Variants in GRM8 observed in about 807,000 individuals in gnomAD.
The protein encoded by GRM8 is glutamate metabotropic receptor 8, also known as metabotropic glutamate receptor 8.
In GRM8, 47 loss-of-function variants were observed where a neutral mutation model predicts 87.2. The observed-to-expected ratio is 0.54, with a 90% confidence interval of 0.43 to 0.69. The LOEUF is 0.69. Among genes scored for constraint, GRM8 ranks in the 30% least tolerant of loss-of-function variants. The probability of loss-of-function intolerance (pLI) is 0.00; values close to 1 mark genes in which losing one functional copy is unlikely to be tolerated. For synonymous variants in GRM8, 396 were observed against 404.5 expected (o/e 0.98, Z 0.25); for missense variants, 1,019 against 1,139.2 (o/e 0.89, Z 1.52).
At chr7:126,532,840 G>C in intron 9 of GRM8, 112 bp downstream of exon 9, 1 of 522,454 alleles carries the variant, frequency 1.9e-6, no homozygotes. Flanking sequence ...GAATAGCACA[G>C]ACTGAAGCAT....
At chr7:126,621,731 T>TA (rs3216288) in intron 7 of GRM8, among the ~76,000 whole-genome samples, 47,808 of 148,060 alleles carry the variant, frequency 0.32, 8,100 homozygotes, top group East Asian at 0.43. Context: ...AATCACCATT[T>TA]AAAAAAAAAA....
intron 2 of GRM8, among the ~76,000 whole-genome samples, chr7:127,227,572 T>C (rs1797417079): frequency 6.6e-6 from 1 of 152,238 alleles, no homozygotes; most frequent in South Asian, 2.1e-4. Flanking sequence ...ACCACAAGTA[T>C]TTATTTTGGT....
intron 6 of GRM8, among the ~76,000 whole-genome samples, chr7:126,790,164 T>G (rs970777758): frequency 1.3e-5 from 2 of 152,056 alleles, no homozygotes; most frequent in African/African-American, 4.8e-5. Flanking sequence ...TGCACCACAA[T>G]GCTCAGCTAA....
intron 6 of GRM8, 48 bp downstream of exon 6, chr7:126,902,494 C>T (rs765793238): frequency 4.9e-6 from 7 of 1,430,364 alleles, no homozygotes; most frequent in Non-Finnish European, 6.6e-6. Flanking sequence ...GTAATGAAAA[C>T]AAATGAAAAT....
At chr7:126,586,905 A>G (rs1390025727) in intron 8 of GRM8, among the ~76,000 whole-genome samples, 3 of 151,966 alleles carry the variant, frequency 2.0e-5, no homozygotes, top group Non-Finnish European at 2.9e-5. Flanking sequence ...CCTACAGAAT[A>G]GGAGAAAATT....
chr7:127,164,880 C>A (rs1366523593), intron 2 of GRM8, among the ~76,000 whole-genome samples: 1 of 151,880 alleles, frequency 6.6e-6, no homozygotes, highest in Non-Finnish European at 1.5e-5. Context: ...ACCTCTCAGA[C>A]CTCAGTTTTA....
chr7:126,611,776 A>T (rs1001942209), intron 7 of GRM8, among the ~76,000 whole-genome samples: 5 of 152,208 alleles, frequency 3.3e-5, no homozygotes, highest in Admixed American at 2.0e-4. Flanking sequence ...CCATGAATAT[A>T]CCCTAAGTTA....
At chr7:126,703,762 A>G (rs1810196120) in intron 7 of GRM8, among the ~76,000 whole-genome samples, 1 of 152,056 alleles carries the variant, frequency 6.6e-6, no homozygotes, top group Non-Finnish European at 1.5e-5. Flanking sequence ...GAGTCTTGCT[A>G]TGTTGCCCAG....
At chr7:126,570,521 CA>C (rs764306325) in intron 8 of GRM8, among the ~76,000 whole-genome samples, 22 of 152,166 alleles carry the variant, frequency 1.4e-4, no homozygotes, top group Non-Finnish European at 2.6e-4. Context: ...CACCCACTGA[CA>C]AGAAGTCTCT....
At chr7:127,142,576 G>C (rs1417754713) in intron 2 of GRM8, among the ~76,000 whole-genome samples, 3 of 152,118 alleles carry the variant, frequency 2.0e-5, no homozygotes, top group Non-Finnish European at 4.4e-5. Flanking sequence ...GAATATTTGA[G>C]AATGCACTGT....
intron 7 of GRM8, among the ~76,000 whole-genome samples, chr7:126,690,678 T>C (rs1249998820): frequency 6.6e-6 from 1 of 152,176 alleles, no homozygotes; most frequent in Non-Finnish European, 1.5e-5. Flanking sequence ...CTCCAGTTCT[T>C]GTCCCACATC....
chr7:126,997,546 G>GAAA (rs553005806), intron 3 of GRM8, among the ~76,000 whole-genome samples: 882 of 82,014 alleles, frequency 0.011, 4 homozygotes, highest in Non-Finnish European at 0.016. Flanking sequence ...GCCAGACTAA[G>GAAA]AAAAAAAAAA....
chr7:126,635,493 T>C (rs1392968495), intron 7 of GRM8, among the ~76,000 whole-genome samples: 1 of 152,170 alleles, frequency 6.6e-6, no homozygotes, highest in Non-Finnish European at 1.5e-5. Flanking sequence ...CCTAACTTTA[T>C]AGAGTTTTAA....
chr7:126,927,709 AAGAAACAAC>A (rs200263988), intron 3 of GRM8, among the ~76,000 whole-genome samples: 4,531 of 152,254 alleles, frequency 0.03, 126 homozygotes, highest in African/African-American at 0.067. Flanking sequence ...TTAAAAAGTC[AAGAAACAAC>A]AGATGCTGGA....
intron 2 of GRM8, among the ~76,000 whole-genome samples, chr7:127,127,232 A>G (rs1329544260): frequency 6.6e-6 from 1 of 152,040 alleles, no homozygotes; most frequent in Admixed American, 6.6e-5. Context: ...GTACACTTAT[A>G]AAATATAAAT....
chr7:126,921,485 TA>T (rs1429010174), intron 3 of GRM8, among the ~76,000 whole-genome samples: 16 of 151,882 alleles, frequency 1.1e-4, no homozygotes, highest in Non-Finnish European at 2.2e-4. Flanking sequence ...AAAATAGTTA[TA>T]AAATACCAGC....
chr7:126,471,430 C>A (rs1186356768), intron 9 of GRM8, among the ~76,000 whole-genome samples: 2 of 151,868 alleles, frequency 1.3e-5, no homozygotes. Context: ...TTTCCCAGCA[C>A]CATTTATTAA....
chr7:127,014,176 G>A (rs1044725153), intron 3 of GRM8, among the ~76,000 whole-genome samples: 1 of 152,208 alleles, frequency 6.6e-6, no homozygotes, highest in Non-Finnish European at 1.5e-5. Flanking sequence ...TGAGAAGACA[G>A]AGAAGCAAAT....
intron 9 of GRM8, among the ~76,000 whole-genome samples, chr7:126,507,016 A>T (rs750898914): frequency 6.6e-6 from 1 of 152,074 alleles, no homozygotes; most frequent in African/African-American, 2.4e-5. Flanking sequence ...ATATCTAAAG[A>T]GGCTCTCAAT....
Sources: allele counts gnomAD v4.1 joint callset (sites outside exome capture counted in the v4.1 genomes callset), GRCh38; gene constraint gnomAD v4.1.1; transcripts MANE v1.5; gene names NCBI Gene and HGNC (gene_info 2026-07-23, HGNC 2026-07-21).